The following OSBPL3 variants were observed in gnomAD, a reference collection of about 807,000 sequenced individuals.
OSBPL3 encodes oxysterol-binding protein-related protein 3.
OSBPL3 carries 65 observed loss-of-function variants against 120.1 expected under a neutral mutation model. The observed-to-expected ratio is 0.54, with a 90% CI of 0.44 to 0.67. OSBPL3 has a LOEUF of 0.67. OSBPL3 is among the 30% of genes least tolerant of loss of function. The pLI, the probability that OSBPL3 is intolerant of heterozygous loss-of-function variation, is 0.00. For missense variants in OSBPL3, 1,004 were observed against 1,082.1 expected (o/e 0.93, Z 1.01); for synonymous variants, 416 against 402.6 (o/e 1.03, Z -0.40).
At chr7:24,809,397 G>A (rs946136158) in intron 20 of OSBPL3, among the ~76,000 whole-genome samples, 1 of 152,166 alleles carries the variant, frequency 6.6e-6, no homozygotes, top group Admixed American at 6.5e-5. Flanking sequence ...TCAGCCTGGG[G>A]ATAGTTAACA....
intron 1 of OSBPL3, among the ~76,000 whole-genome samples, chr7:24,904,411 A>G (rs1329865437): frequency 1.3e-5 from 2 of 152,258 alleles, no homozygotes; most frequent in African/African-American, 2.4e-5. Context: ...TATTCCAGCA[A>G]TAACAATACA....
chr7:24,841,506 G>T (rs73272222), intron 13 of OSBPL3, among the ~76,000 whole-genome samples: 1 of 151,266 alleles, frequency 6.6e-6, no homozygotes, highest in South Asian at 2.1e-4. Context: ...AGGTCAGCCT[G>T]GCCAACATGC....
intron 12 of OSBPL3, among the ~76,000 whole-genome samples, chr7:24,844,546 A>G (rs1798167693): frequency 1.3e-5 from 2 of 152,346 alleles, no homozygotes; most frequent in Middle Eastern, 3.4e-3. Context: ...AGCTCACACT[A>G]TAACAACCAC....
chr7:24,952,257 A>C lies in OSBPL3; in HGVS notation c.-150+27629T>G, dbSNP rs1814530058. Among the ~76,000 whole-genome samples the C allele has an allele frequency of 6.6e-6, 1 of 152,212 alleles. No homozygotes were observed. Among genetic ancestry groups the C allele is most frequent in the Non-Finnish European group, 1.5e-5 (1 of 68,030 alleles). ...GGGTTAGGATCTGTAATCTAAACAGAATTAAGAAAAAAAATTAAGAAGCTA... is the reference window on the plus strand; with the variant it reads ...GGGTTAGGATCTGTAATCTAAACAGCATTAAGAAAAAAAATTAAGAAGCTA... On this transcript the variant is annotated intron_variant, in intron 1 of 22. Transcript: ENST00000313367. The surrounding 1 kb of genome is among the most constrained non-coding windows in gnomAD (Gnocchi z 4.4).
rs1804027158 is a variant in OSBPL3, at chr7:24,883,507, C to G, written c.96+8870G>C. On this transcript the variant is annotated intron_variant, in intron 2 of 22. Coordinates refer to ENST00000313367, the MANE Select transcript of OSBPL3 (RefSeq NM_015550.4). The surrounding 1 kb of genome is among the most constrained non-coding windows in gnomAD (Gnocchi z 5.4). Reference sequence around the variant, plus strand: ...TATGCTGTGCTCTCAACCAGAGCATCTGGGCCAGGGTTCTGCCTTCCTGTA... The same window carrying G: ...TATGCTGTGCTCTCAACCAGAGCATGTGGGCCAGGGTTCTGCCTTCCTGTA... Among the ~76,000 whole-genome samples the G allele has an allele frequency of 6.6e-6, 1 of 152,176 alleles. No homozygotes were observed. Among genetic ancestry groups the G allele is most frequent in the Admixed American group, 6.5e-5 (1 of 15,286 alleles).
rs1812736982 is a variant in OSBPL3 at position 24,938,805 on chromosome 7, G to GTGTGTC, written c.-150+41080_-150+41081insGACACA. The stretch of plus-strand genomic sequence containing the variant: ...TGTGTGTGTGTGTGTGTGTGTGTGT[G>GTGTGTC]TGTGTGTGTGTGTGTGTGTGTGTGT... On this transcript the variant is annotated intron_variant, in intron 1 of 22. Transcript: ENST00000313367. This position sits in a 1 kb window ranked among gnomAD's most constrained non-coding sequence, Gnocchi z 5.8. Among the ~76,000 whole-genome samples the GTGTGTC allele has an allele frequency of 6.6e-6, 1 of 150,576 alleles. No homozygotes were observed. Among genetic ancestry groups the GTGTGTC allele is most frequent in the Non-Finnish European group, 1.5e-5 (1 of 67,566 alleles).
chr7:24,871,305 G>C lies in OSBPL3; in HGVS notation c.267+437C>G, dbSNP rs931420621. Among the ~76,000 whole-genome samples, 3 of 152,180 alleles carry C rather than the reference G, an allele frequency of 2.0e-5. No individual in the cohort carries two copies. The highest frequency in any genetic ancestry group is 2.9e-5 in the Non-Finnish European group (2 of 68,036). The stretch of plus-strand genomic sequence containing the variant: ...AGGGAGAAGAGTAGGACTCCTACAA[G>C]GGACAGGACAAATGGTCATTCACAC... On this transcript the variant is annotated intron_variant, in intron 4 of 22. Coordinates refer to ENST00000313367, the MANE Select transcript of OSBPL3 (RefSeq NM_015550.4). The surrounding 1 kb of genome is among the most constrained non-coding windows in gnomAD (Gnocchi z 4.8).
rs764549459 is a variant in OSBPL3 at position 24,820,126 on chromosome 7, G to A, written c.1948+49C>T. The A allele has an allele frequency of 1.6e-6, 2 of 1,276,150 alleles. No individual in the cohort carries two copies. The highest frequency in any genetic ancestry group is 2.3e-6 in the Non-Finnish European group (2 of 883,954). 79.1% of individuals were successfully genotyped at this position (1,276,150 alleles called of 1,614,324 possible). On this transcript the variant is annotated intron_variant, in intron 17 of 22. Coordinates refer to ENST00000313367, the MANE Select transcript of OSBPL3 (RefSeq NM_015550.4). The surrounding 1 kb of genome is among the most constrained non-coding windows in gnomAD (Gnocchi z 4.6). ...CAGCAATTCTTGGATAAAATAAATA[G>A]ATAACATATTACACAATATGATGGA...
chr7:24,949,299 A>G (rs1814105944), intron 1 of OSBPL3, among the ~76,000 whole-genome samples: 1 of 152,118 alleles, frequency 6.6e-6, no homozygotes, highest in Admixed American at 6.5e-5. Flanking sequence ...CCAAGTCTGG[A>G]ACACACTCTT....
rs1263220444 is a variant in OSBPL3, at chr7:24,955,514, C to T, written c.-150+24372G>A. Reference sequence around the variant, plus strand: ...TACTGGGGTGGCCTCAGGGCCTTTGCACTTCTTGTTTTCTCTAAGTAGATG... The same window carrying T: ...TACTGGGGTGGCCTCAGGGCCTTTGTACTTCTTGTTTTCTCTAAGTAGATG... On this transcript the variant is annotated intron_variant, in intron 1 of 22. Coordinates refer to ENST00000313367, the MANE Select transcript of OSBPL3 (RefSeq NM_015550.4). The surrounding 1 kb of genome is among the most constrained non-coding windows in gnomAD (Gnocchi z 4.3). Among the ~76,000 whole-genome samples the T allele has an allele frequency of 2.0e-5, 3 of 152,212 alleles. No homozygotes were observed. The highest frequency in any genetic ancestry group is 6.5e-5 in the Admixed American group (1 of 15,280).
At chr7:24,865,519 A>T in intron 6 of OSBPL3, 54 bp from the exon 7 acceptor site, 1 of 1,571,086 alleles carries the variant, frequency 6.4e-7, no homozygotes, top group Non-Finnish European at 8.7e-7. Flanking sequence ...CCCATTGGGG[A>T]CATGTTAAGA....
chr7:24,865,534 G>C lies in OSBPL3; in HGVS notation c.550-69C>G, dbSNP rs1256130082. The C allele has an allele frequency of 2.7e-6, 4 of 1,498,414 alleles. No homozygotes were observed. The Admixed American group carries it at 7.1e-5, about 27-fold the overall frequency. 92.8% of individuals were successfully genotyped at this position (1,498,414 alleles called of 1,614,324 possible). A position where few individuals can be genotyped will look rare whatever the true frequency, so the allele number is the denominator to read the frequency against. On this transcript the variant is annotated intron_variant, in intron 6 of 22. Coordinates refer to ENST00000313367, the MANE Select transcript of OSBPL3 (RefSeq NM_015550.4). ...CCCATTGGGGACATGTTAAGACAAA[G>C]GATAACAGAGTGGGCTAGTCACTAA...
In OSBPL3 at chr7:24,930,268, TA is replaced by T. The variant is rs143781208; in HGVS notation, c.-149-37648del. ...AGTTCCAAGGAAATATGCACTAAAA[TA>T]AAAAAAATGTGCAAATAAAACATCT... On this transcript the variant is annotated intron_variant, in intron 1 of 22. Coordinates refer to ENST00000313367, the MANE Select transcript of OSBPL3 (RefSeq NM_015550.4). The surrounding 1 kb of genome is among the most constrained non-coding windows in gnomAD (Gnocchi z 4.4). 2.6e-5 allele frequency among the ~76,000 whole-genome samples: 4 copies of T among 151,628 alleles called. No individual in the cohort carries two copies. Among genetic ancestry groups the T allele is most frequent in the Admixed American group, 1.3e-4 (2 of 15,246 alleles).
rs1792699470 is a variant in OSBPL3, at chr7:24,803,961, G to A, written c.2567+354C>T. On this transcript the variant is annotated intron_variant, in intron 22 of 22. Coordinates refer to ENST00000313367, the MANE Select transcript of OSBPL3 (RefSeq NM_015550.4). The surrounding 1 kb of genome is among the most constrained non-coding windows in gnomAD (Gnocchi z 4.2). ...GTCATGGTGTAAAACATGCCTATGG[G>A]GGTGACCAACCTTAGCTGTGGATTT... 6.6e-6 allele frequency among the ~76,000 whole-genome samples: 1 copy of A among 152,134 alleles called. No homozygotes were observed. The highest frequency in any genetic ancestry group is 2.4e-5 in the African/African-American group (1 of 41,436).
rs999738811 is a variant in OSBPL3, at chr7:24,854,525, C to T, written c.1028-1891G>A. Among the ~76,000 whole-genome samples the T allele has an allele frequency of 2.0e-5, 3 of 149,458 alleles. No homozygotes were observed. Among genetic ancestry groups the T allele is most frequent in the Non-Finnish European group, 4.4e-5 (3 of 67,618 alleles). ...ACGCACACACACACACACACACACA[C>T]ACACACACACACAAACACACACAAT... On this transcript the variant is annotated intron_variant, in intron 10 of 22. Coordinates refer to ENST00000313367, the MANE Select transcript of OSBPL3 (RefSeq NM_015550.4). This position sits in a 1 kb window ranked among gnomAD's most constrained non-coding sequence, Gnocchi z 4.1.
In OSBPL3 at chr7:24,816,707, T is replaced by C; in HGVS notation, c.1949-19A>G. On this transcript the variant is annotated intron_variant, in intron 17 of 22. Coordinates refer to ENST00000313367, the MANE Select transcript of OSBPL3 (RefSeq NM_015550.4). ...CTCACATCTGAAATGAAATACCAAA[T>C]ATTACATTTTTAGCAGGAGAGGTAG... 1 of 1,524,866 alleles carries C rather than the reference T, an allele frequency of 6.6e-7. No individual in the cohort carries two copies. The highest frequency in any genetic ancestry group is 2.2e-5 in the East Asian group (1 of 44,476). 94.5% of individuals were successfully genotyped at this position (1,524,866 alleles called of 1,614,324 possible).
In OSBPL3 at chr7:24,867,899, T is replaced by A. The variant is rs771407438; in HGVS notation, c.382-1662A>T. ...TCTCCATAAATGAACAATTATCGAT[T>A]TCTAATTTCCATGAAGAATACTGTA... On this transcript the variant is annotated intron_variant, in intron 5 of 22. Transcript: ENST00000313367. The surrounding 1 kb of genome is among the most constrained non-coding windows in gnomAD (Gnocchi z 4.5). 6.6e-6 allele frequency among the ~76,000 whole-genome samples: 1 copy of A among 152,238 alleles called. No individual in the cohort carries two copies. Among genetic ancestry groups the A allele is most frequent in the Non-Finnish European group, 1.5e-5 (1 of 68,046 alleles).
chr7:24,884,419 A>ATGC lies in OSBPL3; in HGVS notation c.96+7957_96+7958insGCA, dbSNP rs1331114224. Reference sequence around the variant, plus strand: ...CCCCACTGAGTTGTGCTGAGACTCCAAAGGGTAGCATGAAAGGATATTATG... The same window carrying ATGC: ...CCCCACTGAGTTGTGCTGAGACTCCATGCAAGGGTAGCATGAAAGGATATTATG... On this transcript the variant is annotated intron_variant, in intron 2 of 22. Coordinates refer to ENST00000313367, the MANE Select transcript of OSBPL3 (RefSeq NM_015550.4). Among the ~76,000 whole-genome samples, 12 of 152,318 alleles carry ATGC rather than the reference A, an allele frequency of 7.9e-5. No individual in the cohort carries two copies. In the East Asian group the frequency reaches 2.3e-3, roughly 29 times the overall value.
intron 22 of OSBPL3, among the ~76,000 whole-genome samples, chr7:24,801,131 C>G (rs1792283592): frequency 6.7e-6 from 1 of 149,752 alleles, no homozygotes; most frequent in Admixed American, 6.7e-5. Context: ...ATCCCAGCTA[C>G]TCAAGAGGCC....
Sources: allele counts gnomAD v4.1 joint callset (sites outside exome capture counted in the v4.1 genomes callset), GRCh38; gene constraint gnomAD v4.1.1; non-coding constraint Gnocchi (gnomAD v3.1); transcripts MANE v1.5; gene names NCBI Gene and HGNC (gene_info 2026-07-23, HGNC 2026-07-21).